RPS6KC1: variants seen among roughly 807,000 people sequenced by gnomAD.
RPS6KC1 encodes inactive ribosomal protein S6 kinase delta-1.
A neutral mutation model predicts 103.8 loss-of-function variants in RPS6KC1; 54 were observed. The observed-to-expected ratio is 0.52, with a 90% CI of 0.42 to 0.65. The LOEUF (loss-of-function observed/expected upper bound fraction) is 0.65. Among genes scored for constraint, RPS6KC1 ranks in the 30% least tolerant of loss-of-function variants. RPS6KC1 has a pLI of 0.00. For missense variants in RPS6KC1, 1,151 were observed against 1,253.8 expected (o/e 0.92, Z 1.24); for synonymous variants, 439 against 438.7 (o/e 1.00, Z -0.01).
chr1:213,507,419 G>A, the RPS6KC1 span, among the ~76,000 whole-genome samples: 1 of 152,156 alleles, frequency 6.6e-6, no homozygotes, highest in Non-Finnish European at 1.5e-5. Flanking sequence ...GGTAAAACTG[G>A]CCTGAACTCA....
chr1:213,298,265 T>C, the RPS6KC1 span, among the ~76,000 whole-genome samples: 1 of 152,248 alleles, frequency 6.6e-6, no homozygotes, highest in African/African-American at 2.4e-5. Context: ...ATGTATATAC[T>C]TCCTTCAAAT....
the RPS6KC1 span, among the ~76,000 whole-genome samples, chr1:213,348,629 G>A: frequency 1.3e-5 from 2 of 152,166 alleles, no homozygotes; most frequent in African/African-American, 4.8e-5. Flanking sequence ...GTTCTGTTAA[G>A]AGAAATAATA....
the RPS6KC1 span, among the ~76,000 whole-genome samples, chr1:213,583,405 G>A: frequency 6.6e-6 from 1 of 152,158 alleles, no homozygotes; most frequent in African/African-American, 2.4e-5. Context: ...GCAGAGCTTG[G>A]TTCTGAGCTC....
chr1:213,213,287 G>A (rs1413339078), intron 8 of RPS6KC1, among the ~76,000 whole-genome samples: 1 of 152,112 alleles, frequency 6.6e-6, no homozygotes, highest in Admixed American at 6.5e-5. Context: ...TTTGCATGTG[G>A]CTGTCTAGCA....
the RPS6KC1 span, among the ~76,000 whole-genome samples, chr1:213,625,692 T>C: frequency 6.6e-6 from 1 of 152,222 alleles, no homozygotes; most frequent in Non-Finnish European, 1.5e-5. Flanking sequence ...TGGTTTTTTG[T>C]CCTTGCGATA....
the RPS6KC1 span, among the ~76,000 whole-genome samples, chr1:213,553,214 A>G: frequency 1.8e-4 from 28 of 152,074 alleles, no homozygotes; most frequent in Non-Finnish European, 4.4e-5. Context: ...TTTTGTGTCC[A>G]TGTGCACTCA....
chr1:213,639,153 T>G, the RPS6KC1 span, among the ~76,000 whole-genome samples: 1 of 152,128 alleles, frequency 6.6e-6, no homozygotes, highest in African/African-American at 2.4e-5. Context: ...TGTATGTTGT[T>G]ACTATATAGA....
the RPS6KC1 span, among the ~76,000 whole-genome samples, chr1:213,743,503 A>G: frequency 1.3e-5 from 2 of 152,202 alleles, no homozygotes; most frequent in Admixed American, 1.3e-4. Context: ...ATATAAAATA[A>G]AAGTTGAGAA....
the RPS6KC1 span, among the ~76,000 whole-genome samples, chr1:213,597,007 A>G: frequency 6.6e-6 from 1 of 152,230 alleles, no homozygotes; most frequent in Non-Finnish European, 1.5e-5. Flanking sequence ...CTGTCAGCAT[A>G]GACAGTTCAA....
the RPS6KC1 span, among the ~76,000 whole-genome samples, chr1:213,796,039 G>C: frequency 2.0e-5 from 3 of 152,270 alleles, no homozygotes; most frequent in East Asian, 5.8e-4. Context: ...CTTCTAAGAA[G>C]TTCACATTAC....
the RPS6KC1 span, among the ~76,000 whole-genome samples, chr1:213,427,690 G>A: frequency 1.4e-3 from 220 of 152,270 alleles, 1 homozygote; most frequent in South Asian, 8.7e-3. Context: ...TAAGTCATTT[G>A]CCTAAGTCAC....
chr1:213,714,746 G>C, the RPS6KC1 span, among the ~76,000 whole-genome samples: 1 of 152,234 alleles, frequency 6.6e-6, no homozygotes, highest in Admixed American at 6.5e-5. Context: ...AGGCAGATTG[G>C]CTTGATTTCT....
chr1:213,835,947 G>T, the RPS6KC1 span: 4 of 152,064 alleles, frequency 2.6e-5, no homozygotes, highest in South Asian at 8.3e-4. Context: ...TGTTTTGCCA[G>T]GTTCCTCATT....
At chr1:213,492,115 A>G in the RPS6KC1 span, among the ~76,000 whole-genome samples, 1 of 152,204 alleles carries the variant, frequency 6.6e-6, no homozygotes, top group African/African-American at 2.4e-5. Context: ...GCCTCTTAAA[A>G]TAGGGGTTCG....
At chr1:213,760,410 C>A in the RPS6KC1 span, among the ~76,000 whole-genome samples, 1 of 152,120 alleles carries the variant, frequency 6.6e-6, no homozygotes, top group Admixed American at 6.5e-5. Flanking sequence ...CCAGAGACAT[C>A]CTCCCCCAGG....
At chr1:213,119,803 A>C (rs752877519) in intron 5 of RPS6KC1, among the ~76,000 whole-genome samples, 2 of 152,080 alleles carry the variant, frequency 1.3e-5, no homozygotes, top group Non-Finnish European at 2.9e-5. Context: ...ATGGTATTCT[A>C]AAATACTGAT....
chr1:213,438,532 T>C, the RPS6KC1 span, among the ~76,000 whole-genome samples: 1 of 152,204 alleles, frequency 6.6e-6, no homozygotes, highest in African/African-American at 2.4e-5. Context: ...TTTCCCTTTC[T>C]GGCATCTCAA....
At chr1:213,584,053 GT>G in the RPS6KC1 span, among the ~76,000 whole-genome samples, 21 of 151,928 alleles carry the variant, frequency 1.4e-4, no homozygotes, top group Admixed American at 9.2e-4. Context: ...TCATGGGGTG[GT>G]TTCCCCCATA....
chr1:213,051,505 C>G lies in RPS6KC1; in HGVS notation c.101C>G (p.Ala34Gly). The G allele has an allele frequency of 1.2e-6, 2 of 1,608,148 alleles. No individual in the cohort carries two copies. The highest frequency in any genetic ancestry group is 1.7e-6 in the Non-Finnish European group (2 of 1,176,090). Residue 34 changes from alanine to glycine, a missense_variant, in exon 1 of 15, where the codon GCC (alanine) becomes GGC (glycine). This residue lies in a region of RPS6KC1 where 959 missense variants were observed against 1,006.3 expected (regional missense o/e 0.95). Coordinates refer to ENST00000366960, the MANE Select transcript of RPS6KC1 (RefSeq NM_012424.6). ...GGCTACACAGTATATAAGGTCACCG[C>G]CCGGGTGAGTGCCGGTGTCGGGCTG... is the stretch of plus-strand genomic sequence containing the variant. ...PRGYTVYKVTARVVSRRNPED... is the reference protein window; with the variant it reads ...PRGYTVYKVTGRVVSRRNPED...
Sources: allele counts gnomAD v4.1 joint callset (sites outside exome capture counted in the v4.1 genomes callset), GRCh38; gene constraint gnomAD v4.1.1; regional missense constraint gnomAD v4.1.1; transcripts MANE v1.5; gene names NCBI Gene and HGNC (gene_info 2026-07-23, HGNC 2026-07-21).